The following GRIN1 variants were observed in gnomAD, a reference collection of about 807,000 sequenced individuals.
The protein encoded by GRIN1 is glutamate ionotropic receptor NMDA type subunit 1.
GRIN1 carries 38 observed loss-of-function variants against 103.0 expected under a neutral mutation model. That is an observed-to-expected ratio of 0.37 (90% confidence interval 0.28 to 0.48). GRIN1 has a LOEUF of 0.48. Ranked by LOEUF, GRIN1 falls within the 20% of genes least tolerant of loss-of-function variation. The pLI is 0.98. For missense variants in GRIN1, 577 were observed against 1,288.9 expected (o/e 0.45, Z 8.46); for synonymous variants, 544 against 532.7 (o/e 1.02, Z -0.29).
At chr9:137,140,268 AGGCATCAG>A (rs1199509159) in intron 1 of GRIN1, among the ~76,000 whole-genome samples, 1 of 152,058 alleles carries the variant, frequency 6.6e-6, no homozygotes, top group Non-Finnish European at 1.5e-5. Flanking sequence ...CACACGCGAG[AGGCATCAG>A]GGCATGGGAG....
rs1191115694 is a variant in GRIN1, at chr9:137,139,460, G to T, written c.-27G>T. The T allele has an allele frequency of 3.3e-6, 5 of 1,514,094 alleles. No homozygotes were observed. The highest frequency in any genetic ancestry group is 4.4e-6 in the Non-Finnish European group (5 of 1,131,166). 93.8% of individuals were successfully genotyped at this position (1,514,094 alleles called of 1,614,324 possible). A position where few individuals can be genotyped will look rare whatever the true frequency, so the allele number is the denominator to read the frequency against. Reference sequence around the variant, plus strand: ...GCCGAGGGCCCCGCGTTCGCGCCGCGCAGAGCCAGGCCCGCGGCCCGAGCC... The same window carrying T: ...GCCGAGGGCCCCGCGTTCGCGCCGCTCAGAGCCAGGCCCGCGGCCCGAGCC... On this transcript the variant is annotated 5_prime_UTR_variant, in exon 1 of 20. Coordinates refer to ENST00000371561, the MANE Select transcript of GRIN1 (RefSeq NM_007327.4). This position sits in a 1 kb window ranked among gnomAD's most constrained non-coding sequence, Gnocchi z 7.7.
chr9:137,153,915 G>A (rs552074920), intron 4 of GRIN1, among the ~76,000 whole-genome samples: 28 of 152,018 alleles, frequency 1.8e-4, no homozygotes, highest in African/African-American at 5.6e-4. Flanking sequence ...GGATTCAAGC[G>A]ATTCTCCTGC....
intron 3 of GRIN1, chr9:137,148,352 G>C: frequency 1.6e-6 from 1 of 637,166 alleles, no homozygotes; most frequent in Non-Finnish European, 2.7e-6. Flanking sequence ...CAGCAGGCAG[G>C]AGAGGGCAGG....
Position 137,163,348 on chromosome 9 carries a change from C to T in GRIN1, c.2333+18C>T, listed in dbSNP as rs754673855. On this transcript the variant is annotated intron_variant, in intron 16 of 19. Coordinates refer to ENST00000371561, the MANE Select transcript of GRIN1 (RefSeq NM_007327.4). ...ATCCTCAAGTGAGTGTCCGTGCGCC[C>T]GCGTCCCTCCTCCGCCCCTCTCCGC... is the stretch of plus-strand genomic sequence containing the variant. The T allele has an allele frequency of 3.1e-6, 5 of 1,612,648 alleles. No individual in the cohort carries two copies. Among genetic ancestry groups the T allele is most frequent in the Non-Finnish European group, 2.5e-6 (3 of 1,179,560 alleles).
At position 137,146,002 on chromosome 9, in the gene GRIN1, C is replaced by T. The variant is rs907105925; in HGVS notation, c.570+100C>T. 10 of 872,086 alleles carry T rather than the reference C, an allele frequency of 1.1e-5. No individual in the cohort carries two copies. The highest frequency in any genetic ancestry group is 5.3e-5 in the East Asian group (2 of 37,544). The allele number at this position is 872,086 out of a possible 1,614,324, so 54.0% of individuals were successfully genotyped here. ...GTGTGTGACACCCTCTTCTTTCCATCGTGCATGGTCAGCACCACCACGTCT... is the reference window on the plus strand; with the variant it reads ...GTGTGTGACACCCTCTTCTTTCCATTGTGCATGGTCAGCACCACCACGTCT... On this transcript the variant is annotated intron_variant, in intron 3 of 19. Coordinates refer to ENST00000371561, the MANE Select transcript of GRIN1 (RefSeq NM_007327.4). The surrounding 1 kb of genome is among the most constrained non-coding windows in gnomAD (Gnocchi z 6.7).
intron 16 of GRIN1, 104 bp from the exon 17 acceptor site, chr9:137,163,455 A>G (rs1476338329): frequency 7.1e-7 from 1 of 1,415,022 alleles, no homozygotes; most frequent in Non-Finnish European, 9.9e-7. Flanking sequence ...TGCCCACTCC[A>G]CGCCGCACCC....
At chr9:137,155,381 T>A (rs1012221828) in intron 4 of GRIN1, among the ~76,000 whole-genome samples, 3 of 152,226 alleles carry the variant, frequency 2.0e-5, no homozygotes, top group Non-Finnish European at 4.4e-5. Context: ...CCAGTGCTAC[T>A]GGGAGCACTT....
At chr9:137,159,351 A>G (rs1385571052) in intron 8 of GRIN1, among the ~76,000 whole-genome samples, 1 of 151,334 alleles carries the variant, frequency 6.6e-6, no homozygotes. Context: ...ACGCCCACCA[A>G]CCTTCTCTCG....
At chr9:137,144,522 G>A (rs1158950740) in intron 2 of GRIN1, among the ~76,000 whole-genome samples, 3 of 152,108 alleles carry the variant, frequency 2.0e-5, no homozygotes, top group Admixed American at 1.3e-4. Context: ...GGGCGTGGTG[G>A]CGGGCGCCTG....
At chr9:137,152,742 G>A (rs935589738) in intron 4 of GRIN1, among the ~76,000 whole-genome samples, 5 of 152,090 alleles carry the variant, frequency 3.3e-5, no homozygotes, top group Admixed American at 6.5e-5. Flanking sequence ...CAGGAACCAC[G>A]TGCATACCAC....
At chr9:137,153,819 C>G (rs1445398242) in intron 4 of GRIN1, among the ~76,000 whole-genome samples, 2 of 152,140 alleles carry the variant, frequency 1.3e-5, no homozygotes, top group Admixed American at 6.6e-5. Flanking sequence ...AACTCTTTCT[C>G]TTTTTTGGGG....
chr9:137,160,270 C>G (rs983605548), intron 8 of GRIN1, among the ~76,000 whole-genome samples: 1 of 152,236 alleles, frequency 6.6e-6, no homozygotes, highest in African/African-American at 2.4e-5. Flanking sequence ...GGTGGCCCCA[C>G]GGGTCCCAGG....
intron 6 of GRIN1, among the ~76,000 whole-genome samples, chr9:137,157,283 C>T (rs1367676138): frequency 6.6e-6 from 1 of 152,162 alleles, no homozygotes; most frequent in Non-Finnish European, 1.5e-5. Context: ...GCGTCGCTCT[C>T]AGGGGTACTG....
rs1391777362 is a variant in GRIN1, at chr9:137,143,302, CAG to C, written c.393+1158_393+1159del. 5.2e-5 allele frequency among the ~76,000 whole-genome samples: 8 copies of C among 152,394 alleles called. No individual in the cohort carries two copies. In the South Asian group the frequency reaches 1.0e-3, roughly 20 times the overall value. The stretch of plus-strand genomic sequence containing the variant: ...AAGGCCCCAGAGGCAGGAACTGAGA[CAG>C]AGGCTGGAACAGCCACCTTCCTGAG... On this transcript the variant is annotated intron_variant, in intron 2 of 19. Transcript: ENST00000371561.
In GRIN1 at chr9:137,163,550, C is replaced by T. The variant is rs1833685812; in HGVS notation, c.2334-9C>T. 6.3e-7 allele frequency: 1 copy of T among 1,598,366 alleles called. No homozygotes were observed. Among genetic ancestry groups the T allele is most frequent in the Non-Finnish European group, 8.6e-7 (1 of 1,166,162 alleles). ...GCCTCACTGCAGGCTCACTTGTTCC[C>T]ACCGCCAGGTCCCACGAGAATGGCT... On this transcript the variant is annotated splice_polypyrimidine_tract_variant and intron_variant, in intron 16 of 19. Transcript: ENST00000371561.
chr9:137,144,757 G>A (rs1832409269), intron 2 of GRIN1, among the ~76,000 whole-genome samples: 1 of 107,092 alleles, frequency 9.3e-6, no homozygotes, highest in Non-Finnish European at 1.9e-5. Context: ...AGAGGAAGGG[G>A]GTCCCAGGGT....
intron 2 of GRIN1, among the ~76,000 whole-genome samples, chr9:137,142,510 G>T (rs376930454): frequency 4.6e-5 from 7 of 152,066 alleles, no homozygotes; most frequent in South Asian, 4.1e-4. Flanking sequence ...GCACCCACAC[G>T]CTACACTGCT....
chr9:137,152,108 A>G (rs1008093538), intron 4 of GRIN1, among the ~76,000 whole-genome samples: 4 of 152,074 alleles, frequency 2.6e-5, no homozygotes, highest in Non-Finnish European at 4.4e-5. Flanking sequence ...GGGTTTCACC[A>G]TGTCAGCCAG....
intron 18 of GRIN1, chr9:137,164,783 C>A: frequency 3.8e-6 from 1 of 263,222 alleles, no homozygotes; most frequent in Non-Finnish European, 7.5e-6. Context: ...CGGCCCCTTC[C>A]TGAATCTTGG....
Sources: gnomAD v4.1 joint callset for allele counts (sites outside exome capture counted in the v4.1 genomes callset) on GRCh38, gnomAD v4.1.1 for gene constraint, Gnocchi (gnomAD v3.1) non-coding constraint, MANE v1.5 for transcripts, NCBI Gene and HGNC (gene_info 2026-07-23, HGNC 2026-07-21) for gene names.